LARGE1: variants seen among roughly 807,000 people sequenced by gnomAD.
The protein encoded by LARGE1 is LARGE xylosyl- and glucuronyltransferase 1.
A neutral mutation model predicts 87.6 loss-of-function variants in LARGE1; 43 were observed. The ratio of observed to expected loss-of-function variants is 0.49; its 90% CI spans 0.38 to 0.63. The LOEUF (loss-of-function observed/expected upper bound fraction) is 0.63, where lower values mean the gene tolerates loss of function less well. Ranked by LOEUF, LARGE1 falls within the 30% of genes least tolerant of loss-of-function variation. LARGE1 has a pLI of 0.00. For missense variants in LARGE1, 802 were observed against 1,000.2 expected (o/e 0.80, Z 2.67); for synonymous variants, 434 against 394.6 (o/e 1.10, Z -1.18).
intron 1 of LARGE1, among the ~76,000 whole-genome samples, chr22:33,817,955 C>A (rs2086706220): frequency 6.6e-6 from 1 of 151,930 alleles, no homozygotes; most frequent in East Asian, 1.9e-4. Flanking sequence ...GAAGGAAGAA[C>A]AGGGTAGCAT....
intron 9 of LARGE1, among the ~76,000 whole-genome samples, chr22:33,378,899 C>T (rs531895118): frequency 6.6e-6 from 1 of 152,238 alleles, no homozygotes; most frequent in Non-Finnish European, 1.5e-5. Flanking sequence ...AGAATGGCTC[C>T]TGAAACTCTG....
intron 4 of LARGE1, among the ~76,000 whole-genome samples, chr22:33,617,555 CT>C (rs1569316243): frequency 6.6e-6 from 1 of 152,176 alleles, no homozygotes; most frequent in African/African-American, 2.4e-5. Context: ...CTAAAATAGT[CT>C]TTTATGCCAG....
intron 9 of LARGE1, among the ~76,000 whole-genome samples, chr22:33,339,335 G>A (rs1938881204): frequency 6.6e-6 from 1 of 151,568 alleles, no homozygotes; most frequent in Non-Finnish European, 1.5e-5. Flanking sequence ...GCTCTAGCTG[G>A]AGCACAAGGG....
intron 1 of LARGE1, among the ~76,000 whole-genome samples, chr22:33,837,475 A>T (rs115922218): frequency 6.6e-6 from 1 of 152,220 alleles, no homozygotes; most frequent in African/African-American, 2.4e-5. Flanking sequence ...AAGAAAGGCT[A>T]ATTCAAGTGG....
At chr22:33,475,251 G>A (rs1276455625) in intron 6 of LARGE1, among the ~76,000 whole-genome samples, 1 of 151,998 alleles carries the variant, frequency 6.6e-6, no homozygotes, top group Non-Finnish European at 1.5e-5. Context: ...CACTTTACCA[G>A]TCAAAGGCAA....
intron 1 of LARGE1, among the ~76,000 whole-genome samples, chr22:33,825,930 C>T (rs1239459477): frequency 2.6e-5 from 4 of 151,892 alleles, no homozygotes; most frequent in Non-Finnish European, 5.9e-5. Flanking sequence ...CAGAAACTGC[C>T]ACTCTTGAGT....
chr22:33,188,376 G>A (rs1247905637), intron 11 of LARGE1, among the ~76,000 whole-genome samples: 1 of 151,996 alleles, frequency 6.6e-6, no homozygotes, highest in East Asian at 1.9e-4. Flanking sequence ...CAAATAAGGA[G>A]GGGCAGGTAC....
At chr22:33,658,761 T>C (rs2081041563) in intron 2 of LARGE1, among the ~76,000 whole-genome samples, 1 of 152,204 alleles carries the variant, frequency 6.6e-6, no homozygotes. Flanking sequence ...TGTGCATGTA[T>C]CTTTGTAACA....
At position 33,796,767 on chromosome 22, in the gene LARGE1, CTT is replaced by C. The variant is rs35532520; in HGVS notation, c.-82-35211_-82-35210del. Among the ~76,000 whole-genome samples the C allele has an allele frequency of 6.9e-3, 730 of 106,044 alleles. 1 individual carries two copies. The highest frequency in any genetic ancestry group is 0.028 in the East Asian group (97 of 3,520). 69.6% of individuals were successfully genotyped at this position (106,044 alleles called of 152,430 possible). A position where few individuals can be genotyped will look rare whatever the true frequency, so the allele number is the denominator to read the frequency against. On this transcript the variant is annotated intron_variant, in intron 1 of 14. Coordinates refer to ENST00000397394, the MANE Select transcript of LARGE1 (RefSeq NM_133642.5). ...TAAAGGTGACACAGTAAGACTTGGG[CTT>C]TTTTTTTTTTTTTTTTTTTTCCCCT...
intron 2 of LARGE1, among the ~76,000 whole-genome samples, chr22:33,659,716 G>T (rs981322520): frequency 7.6e-6 from 1 of 131,428 alleles, no homozygotes; most frequent in South Asian, 2.5e-4. Context: ...CCTGGAGACA[G>T]ATCTTCTGAC....
At chr22:33,673,729 G>A (rs1356752222) in intron 2 of LARGE1, among the ~76,000 whole-genome samples, 1 of 152,014 alleles carries the variant, frequency 6.6e-6, no homozygotes, top group East Asian at 1.9e-4. Flanking sequence ...ACAGAGTCTT[G>A]CTCTGTCGCC....
upstream of LARGE1, chr22:33,920,486 GGGCGCCGAACGC>G (rs2065914870): frequency 6.9e-6 from 1 of 145,676 alleles, no homozygotes; most frequent in Non-Finnish European, 1.5e-5. Context: ...TGGCCGGGCC[GGGCGCCGAACGC>G]GGCGGCGCGG....
At chr22:33,341,598 A>G (rs1446234304) in intron 9 of LARGE1, among the ~76,000 whole-genome samples, 4 of 146,204 alleles carry the variant, frequency 2.7e-5, no homozygotes, top group Non-Finnish European at 4.4e-5. Flanking sequence ...GGCACAGTGA[A>G]TTATGGGGAA....
intron 1 of LARGE1, among the ~76,000 whole-genome samples, chr22:33,831,749 TACACAC>T (rs5845118): frequency 0.075 from 11,034 of 146,654 alleles, 391 homozygotes; most frequent in South Asian, 0.17. Context: ...CACATGCATG[TACACAC>T]ACACACACAC....
chr22:33,842,670 G>T (rs552181585), intron 1 of LARGE1, among the ~76,000 whole-genome samples: 1 of 152,250 alleles, frequency 6.6e-6, no homozygotes, highest in African/African-American at 2.4e-5. Context: ...GCCCAGCACT[G>T]CCCAACAGTC....
rs1929090944 is a variant in LARGE1 at position 33,275,589 on chromosome 22, A to G, written c.2074-965T>C. Among the ~76,000 whole-genome samples, 6 of 152,210 alleles carry G rather than the reference A, an allele frequency of 3.9e-5. No individual in the cohort carries two copies. In the South Asian group the frequency reaches 1.2e-3, roughly 32 times the overall value. ...GTCTGGGACATTTAATGGAGGGACA[A>G]AGAACCCCACCAACCGCACTAGCCC... is the stretch of plus-strand genomic sequence containing the variant. On this transcript the variant is annotated intron_variant, in intron 14 of 14. Coordinates refer to ENST00000397394, the MANE Select transcript of LARGE1 (RefSeq NM_133642.5).
At chr22:33,851,864 T>C (rs2063592268) in intron 1 of LARGE1, among the ~76,000 whole-genome samples, 3 of 152,242 alleles carry the variant, frequency 2.0e-5, no homozygotes, top group Admixed American at 2.0e-4. Context: ...AAAGCCATAA[T>C]CGGTAAAGAA....
At chr22:33,417,307 T>TG (rs1160097467) in intron 7 of LARGE1, among the ~76,000 whole-genome samples, 1 of 152,234 alleles carries the variant, frequency 6.6e-6, no homozygotes, top group African/African-American at 2.4e-5. Flanking sequence ...CCTAGGAATA[T>TG]GGAATGTTTC....
intron 9 of LARGE1, among the ~76,000 whole-genome samples, chr22:33,368,758 T>G (rs2064692065): frequency 6.6e-6 from 1 of 152,176 alleles, no homozygotes; most frequent in African/African-American, 2.4e-5. Flanking sequence ...GTGAATCACA[T>G]TTTTTGGTTT....
Sources: gnomAD v4.1 joint callset for allele counts (sites outside exome capture counted in the v4.1 genomes callset) on GRCh38, gnomAD v4.1.1 for gene constraint, MANE v1.5 for transcripts, NCBI Gene and HGNC (gene_info 2026-07-23, HGNC 2026-07-21) for gene names.